ANKS1B: variants seen among roughly 807,000 people sequenced by gnomAD.
ANKS1B encodes ankyrin repeat and sterile alpha motif domain-containing protein 1B.
A neutral mutation model predicts 148.3 loss-of-function variants in ANKS1B; 36 were observed. That is an observed-to-expected ratio of 0.24 (90% confidence interval 0.19 to 0.32). The LOEUF (loss-of-function observed/expected upper bound fraction) is 0.32. Among genes scored for constraint, ANKS1B ranks in the 10% least tolerant of loss-of-function variants. The pLI is 1.00. For missense variants in ANKS1B, 1,157 were observed against 1,542.6 expected (o/e 0.75, Z 4.19); for synonymous variants, 542 against 560.8 (o/e 0.97, Z 0.47).
intron 16 of ANKS1B, among the ~76,000 whole-genome samples, chr12:99,078,206 G>A (rs761814289): frequency 1.2e-4 from 18 of 152,082 alleles, no homozygotes; most frequent in Non-Finnish European, 2.4e-4. Flanking sequence ...ATGACCACTT[G>A]TAACTTTCTA....
chr12:99,609,547 G>GA (rs147882226), intron 9 of ANKS1B, among the ~76,000 whole-genome samples: 4,737 of 140,360 alleles, frequency 0.034, 219 homozygotes, highest in African/African-American at 0.11. Context: ...CTTTTTATAA[G>GA]AAAAAAAAAA....
Position 99,552,468 on chromosome 12 carries a change from GCA to G in ANKS1B, c.1273-47829_1273-47828del, listed in dbSNP as rs999103428. 3.9e-5 allele frequency among the ~76,000 whole-genome samples: 6 copies of G among 152,296 alleles called. 1 individual carries two copies. Among genetic ancestry groups the G allele is most frequent in the East Asian group, 3.9e-4 (2 of 5,184 alleles). On this transcript the variant is annotated intron_variant, in intron 9 of 26. Coordinates refer to ENST00000683438, the MANE Select transcript of ANKS1B (RefSeq NM_001352186.2). Reference sequence around the variant, plus strand: ...TTCATCATTGTATTCCCACTGTCTAGCACAGTGTCTGACACATAAAACTCTCA... The same window carrying G: ...TTCATCATTGTATTCCCACTGTCTAGCAGTGTCTGACACATAAAACTCTCA...
chr12:99,090,337 A>G (rs918577240), intron 15 of ANKS1B, among the ~76,000 whole-genome samples: 1 of 152,184 alleles, frequency 6.6e-6, no homozygotes, highest in African/African-American at 2.4e-5. Flanking sequence ...ATTGTAGAAA[A>G]TGTTAGGAAA....
chr12:98,869,679 G>GCCTGCA, intron 17 of ANKS1B, among the ~76,000 whole-genome samples: 1 of 25,732 alleles, frequency 3.9e-5, no homozygotes, highest in Non-Finnish European at 5.9e-5. Context: ...TGTGTGGAAT[G>GCCTGCA]CATACATATG....
intron 17 of ANKS1B, among the ~76,000 whole-genome samples, chr12:98,910,925 C>A (rs755141059): frequency 1.3e-5 from 2 of 152,238 alleles, no homozygotes; most frequent in Non-Finnish European, 2.9e-5. Context: ...GTAGCCAAAT[C>A]TGACAATCAT....
At chr12:99,459,976 C>A (rs1446493223) in intron 10 of ANKS1B, among the ~76,000 whole-genome samples, 1 of 151,838 alleles carries the variant, frequency 6.6e-6, no homozygotes, top group African/African-American at 2.4e-5. Context: ...AGAACAAATC[C>A]AGAGGCATTA....
At chr12:99,215,069 C>T (rs1306414931) in intron 14 of ANKS1B, among the ~76,000 whole-genome samples, 1 of 152,190 alleles carries the variant, frequency 6.6e-6, no homozygotes, top group Non-Finnish European at 1.5e-5. Flanking sequence ...TAAAAGCATT[C>T]AGTTTTATTC....
chr12:99,354,834 A>G (rs1230793298), intron 12 of ANKS1B, among the ~76,000 whole-genome samples: 3 of 152,062 alleles, frequency 2.0e-5, no homozygotes, highest in African/African-American at 4.8e-5. Flanking sequence ...TCAGTAAGAG[A>G]TAAGTATATG....
At chr12:98,826,003 T>A (rs901182655) in intron 19 of ANKS1B, among the ~76,000 whole-genome samples, 1 of 152,222 alleles carries the variant, frequency 6.6e-6, no homozygotes, top group Non-Finnish European at 1.5e-5. Context: ...ATTACACATA[T>A]GTGAATGCAA....
chr12:99,649,140 G>T (rs1269530899), intron 9 of ANKS1B: 2 of 685,300 alleles, frequency 2.9e-6, no homozygotes, highest in Non-Finnish European at 5.1e-6. Flanking sequence ...TGTAGGACGT[G>T]TCTCCCTGCA....
At chr12:98,843,640 G>C (rs2099423771) in intron 17 of ANKS1B, among the ~76,000 whole-genome samples, 1 of 152,224 alleles carries the variant, frequency 6.6e-6, no homozygotes, top group Non-Finnish European at 1.5e-5. Context: ...GAAATAGACT[G>C]GCAGTGTGAC....
intron 10 of ANKS1B, among the ~76,000 whole-genome samples, chr12:99,485,730 T>C (rs2096480373): frequency 6.6e-6 from 1 of 152,162 alleles, no homozygotes; most frequent in Admixed American, 6.6e-5. Context: ...CTTTTGATTC[T>C]TTTTTCTTTA....
chr12:99,652,477 AAAAAGAAAAATTTATAGTGAGAG>A (rs2098426602), intron 9 of ANKS1B, among the ~76,000 whole-genome samples: 1 of 152,134 alleles, frequency 6.6e-6, no homozygotes, highest in African/African-American at 2.4e-5. Flanking sequence ...CATCTGAAAA[AAAAAGAAAAATTTATAGTGAGAG>A]AAACATTAGT....
intron 9 of ANKS1B, among the ~76,000 whole-genome samples, chr12:99,582,359 G>C (rs969347379): frequency 6.6e-6 from 1 of 150,654 alleles, no homozygotes; most frequent in African/African-American, 2.4e-5. Context: ...AAAAAAAAAA[G>C]ACAGAGATGA....
intron 19 of ANKS1B, among the ~76,000 whole-genome samples, chr12:98,816,464 T>C (rs1291951833): frequency 2.0e-5 from 3 of 152,062 alleles, no homozygotes; most frequent in African/African-American, 7.2e-5. Flanking sequence ...CCTGGCTAAT[T>C]TTTGTATTTT....
chr12:99,968,101 G>A (rs1420770934), intron 1 of ANKS1B, among the ~76,000 whole-genome samples: 5 of 152,104 alleles, frequency 3.3e-5, no homozygotes, highest in Non-Finnish European at 7.4e-5. Flanking sequence ...GGGACATAAG[G>A]GCACAGGAAG....
At chr12:99,208,217 A>T (rs967076465) in intron 14 of ANKS1B, among the ~76,000 whole-genome samples, 1 of 152,076 alleles carries the variant, frequency 6.6e-6, no homozygotes, top group South Asian at 2.1e-4. Context: ...AATCCTCTCT[A>T]TTAAAGAGCT....
chr12:98,781,113 T>C lies in ANKS1B; in HGVS notation c.3441+4A>G. 1.3e-6 allele frequency: 2 copies of C among 1,541,334 alleles called. No individual in the cohort carries two copies. The highest frequency in any genetic ancestry group is 1.8e-6 in the Non-Finnish European group (2 of 1,131,764). On this transcript the variant is annotated splice_donor_region_variant and intron_variant, in intron 24 of 26. Transcript: ENST00000683438. Reference sequence around the variant, plus strand: ...TCTAAACCAGAGAGAGGAGTGGTACTTACCTTATTTGTTGCATCAATAAAT... The same window carrying C: ...TCTAAACCAGAGAGAGGAGTGGTACCTACCTTATTTGTTGCATCAATAAAT...
intron 9 of ANKS1B, among the ~76,000 whole-genome samples, chr12:99,541,849 G>T (rs911226926): frequency 7.7e-6 from 1 of 130,028 alleles, no homozygotes; most frequent in African/African-American, 2.7e-5. Flanking sequence ...GCGAGACTCC[G>T]TCTAAAAAAA....
Sources: gnomAD v4.1 joint callset for allele counts (sites outside exome capture counted in the v4.1 genomes callset) on GRCh38, gnomAD v4.1.1 for gene constraint, MANE v1.5 for transcripts, NCBI Gene and HGNC (gene_info 2026-07-23, HGNC 2026-07-21) for gene names.